Variants in ZNF766 observed in about 807,000 individuals in gnomAD.
The protein encoded by ZNF766 is zinc finger protein 766.
In ZNF766, 13 loss-of-function variants were observed where a neutral mutation model predicts 13.2. The ratio of observed to expected loss-of-function variants is 0.98; its 90% CI spans 0.64 to 1.56. The LOEUF is 1.56. Among genes scored for constraint, ZNF766 ranks in the 40% most tolerant of loss-of-function variants. The probability of loss-of-function intolerance (pLI) is 0.00; values close to 1 mark genes in which losing one functional copy is unlikely to be tolerated. For missense variants in ZNF766, 521 were observed against 552.2 expected (o/e 0.94, Z 0.57); for synonymous variants, 178 against 187.6 (o/e 0.95, Z 0.42).
At chr19:52,285,914 G>T (rs901091921) in intron 3 of ZNF766, among the ~76,000 whole-genome samples, 3 of 152,158 alleles carry the variant, frequency 2.0e-5, no homozygotes, top group Non-Finnish European at 4.4e-5. Flanking sequence ...GGAGTTATGA[G>T]CCAGGAACTG....
At chr19:52,288,027 C>CTTTTT in intron 3 of ZNF766, 1 of 354,042 alleles carries the variant, frequency 2.8e-6, no homozygotes, top group East Asian at 8.8e-5. Flanking sequence ...TTTTCTTTTT[C>CTTTTT]TTTTTTTTTT....
rs191824342 is a variant in ZNF766, at chr19:52,292,213, C to T, written c.*1015C>T. Reference sequence around the variant, plus strand: ...AGGGCTGACTTCATTAGATGAGGAGCGTTTCTATCCAGTTTCCTGGAGGAA... The same window carrying T: ...AGGGCTGACTTCATTAGATGAGGAGTGTTTCTATCCAGTTTCCTGGAGGAA... On this transcript the variant is annotated 3_prime_UTR_variant, in exon 4 of 4. Coordinates refer to ENST00000439461, the MANE Select transcript of ZNF766 (RefSeq NM_001010851.3). 6 of 700,990 alleles carry T rather than the reference C, an allele frequency of 8.6e-6. No individual in the cohort carries two copies. Among genetic ancestry groups the T allele is most frequent in the East Asian group, 8.1e-5 (3 of 37,202 alleles). The allele number at this position is 700,990 out of a possible 1,614,324, so 43.4% of individuals were successfully genotyped here. A position where few individuals can be genotyped will look rare whatever the true frequency, so the allele number is the denominator to read the frequency against.
At chr19:52,277,846 C>T (rs1172126939) in intron 1 of ZNF766, among the ~76,000 whole-genome samples, 1 of 152,034 alleles carries the variant, frequency 6.6e-6, no homozygotes, top group African/African-American at 2.4e-5. Context: ...TGTTCAGGGG[C>T]CACATCTGGA....
intron 3 of ZNF766, chr19:52,287,985 A>G (rs1242296419): frequency 5.0e-6 from 2 of 403,032 alleles, no homozygotes; most frequent in South Asian, 3.5e-5. Context: ...TCTAACCTTT[A>G]TTTTTTCTTT....
chr19:52,283,887 G>A (rs1350994471), intron 3 of ZNF766, among the ~76,000 whole-genome samples: 2 of 152,104 alleles, frequency 1.3e-5, no homozygotes, highest in Non-Finnish European at 2.9e-5. Context: ...ACAGGCGTGC[G>A]CCACCACGCC....
rs1355803406 is a variant in ZNF766 at position 52,282,206 on chromosome 19, G to A, written c.114G>A (p.Met38Ile). The A allele has an allele frequency of 1.2e-6, 2 of 1,604,528 alleles. No homozygotes were observed. The highest frequency in any genetic ancestry group is 8.5e-7 in the Non-Finnish European group (1 of 1,173,910). ...AGAAGGCTTTATACAGGGATGTGATGTTGGAGAACTACAGGAACCTGGTCT... is the reference window on the plus strand; with the variant it reads ...AGAAGGCTTTATACAGGGATGTGATATTGGAGAACTACAGGAACCTGGTCT... Reference protein sequence around the residue: ...PVQKALYRDVMLENYRNLVSL... With the variant: ...PVQKALYRDVILENYRNLVSL... The change falls in exon 2 of 4, where the codon ATG becomes ATA. Residue 38 changes from methionine (M) to isoleucine (I), a missense_variant. Coordinates refer to ENST00000439461, the MANE Select transcript of ZNF766 (RefSeq NM_001010851.3).
chr19:52,290,976 T>A lies in ZNF766; in HGVS notation c.1185T>A (p.Val395=). ...AATGTGGCAAAGTCTTCACTCAAGTTTCACATCTTGCACGACATCAGAAAA... is the reference window on the plus strand; with the variant it reads ...AATGTGGCAAAGTCTTCACTCAAGTATCACATCTTGCACGACATCAGAAAA... ...CHECGKVFTQ[V]SHLARHQKIH... The change falls in exon 4 of 4, where the codon GTT becomes GTA. Residue 395 remains valine, a synonymous_variant. Transcript: ENST00000439461. 1 of 1,614,028 alleles carries A rather than the reference T, an allele frequency of 6.2e-7. No homozygotes were observed. The highest frequency in any genetic ancestry group is 8.5e-7 in the Non-Finnish European group (1 of 1,180,000).
At chr19:52,274,037 A>G (rs1981085626) in intron 1 of ZNF766, among the ~76,000 whole-genome samples, 1 of 152,212 alleles carries the variant, frequency 6.6e-6, no homozygotes, top group Non-Finnish European at 1.5e-5. Flanking sequence ...CCAAGGTATT[A>G]CGTGGAAAGT....
At chr19:52,286,780 A>T (rs56312156) in intron 3 of ZNF766, among the ~76,000 whole-genome samples, 40,743 of 152,036 alleles carry the variant, frequency 0.27, 6,142 homozygotes, top group African/African-American at 0.42. Flanking sequence ...GAATTTATTT[A>T]GCTACCATTT....
intron 2 of ZNF766, 116 bp downstream of exon 2, chr19:52,282,353 TG>T: frequency 7.6e-7 from 1 of 1,320,160 alleles, no homozygotes; most frequent in Middle Eastern, 2.0e-4. Flanking sequence ...CCTGTTGACT[TG>T]GCTGGGCACG....
intron 1 of ZNF766, among the ~76,000 whole-genome samples, chr19:52,280,195 A>G (rs1195596555): frequency 2.6e-5 from 4 of 152,108 alleles, no homozygotes; most frequent in Admixed American, 6.6e-5. Flanking sequence ...TGAAATACAC[A>G]TTAGCAAAAA....
intron 1 of ZNF766, among the ~76,000 whole-genome samples, chr19:52,279,848 T>G (rs1981403409): frequency 7.4e-6 from 1 of 134,462 alleles, no homozygotes. Flanking sequence ...TAGGCTGGAG[T>G]GCAGTGGTGT....
At chr19:52,276,891 G>A (rs1210104694) in intron 1 of ZNF766, among the ~76,000 whole-genome samples, 3 of 152,190 alleles carry the variant, frequency 2.0e-5, no homozygotes, top group East Asian at 3.9e-4. Flanking sequence ...TCTGTGCCCT[G>A]AAGGGGAGCT....
chr19:52,289,282 C>G (rs780992698), intron 3 of ZNF766, among the ~76,000 whole-genome samples: 20 of 151,804 alleles, frequency 1.3e-4, no homozygotes, highest in Non-Finnish European at 2.6e-4. Flanking sequence ...TCCTGAGTAG[C>G]TGGGATTACA....
chr19:52,289,869 C>T (rs907105646), intron 3 of ZNF766, among the ~76,000 whole-genome samples, 197 bp from the exon 4 acceptor site: 4 of 152,100 alleles, frequency 2.6e-5, no homozygotes, highest in Non-Finnish European at 4.4e-5. Context: ...GGCGTGGTGG[C>T]GGACGCCTGT....
Position 52,292,156 on chromosome 19 carries a change from A to G in ZNF766, c.*958A>G, listed in dbSNP as rs962911870. On this transcript the variant is annotated 3_prime_UTR_variant, in exon 4 of 4. Transcript: ENST00000439461. ...CATGTGCCTTCCCTACAGGCCTTTC[A>G]CTGTGGTCTGGGAAAGAATCAGTAA... The G allele has an allele frequency of 1.4e-6, 1 of 702,886 alleles. No homozygotes were observed. The highest frequency in any genetic ancestry group is 2.6e-6 in the Non-Finnish European group (1 of 384,962). The allele number at this position is 702,886 out of a possible 1,614,324, so 43.5% of individuals were successfully genotyped here. A position where few individuals can be genotyped will look rare whatever the true frequency, so the allele number is the denominator to read the frequency against.
At chr19:52,288,063 C>T (rs766239566) in intron 3 of ZNF766, 1 of 407,214 alleles carries the variant, frequency 2.5e-6, no homozygotes, top group Non-Finnish European at 4.7e-6. Flanking sequence ...TTCTGTCGCC[C>T]AGGCTGGAGT....
chr19:52,269,927 A>G (rs1980901034), intron 1 of ZNF766, among the ~76,000 whole-genome samples: 1 of 151,964 alleles, frequency 6.6e-6, no homozygotes, highest in South Asian at 2.1e-4. Flanking sequence ...AGGCGGATCC[A>G]CGCCCTCCGG....
chr19:52,287,750 CAT>C (rs1026358150), intron 3 of ZNF766, among the ~76,000 whole-genome samples: 16 of 152,222 alleles, frequency 1.1e-4, no homozygotes, highest in South Asian at 6.2e-4. Context: ...TCTTGGTTAA[CAT>C]ATTTTTTGTT....
Sources: allele counts gnomAD v4.1 joint callset (sites outside exome capture counted in the v4.1 genomes callset), GRCh38; gene constraint gnomAD v4.1.1; transcripts MANE v1.5; gene names NCBI Gene and HGNC (gene_info 2026-07-23, HGNC 2026-07-21).